MIPEP: variants seen among roughly 807,000 people sequenced by gnomAD.
The protein encoded by MIPEP is mitochondrial intermediate peptidase.
In MIPEP, 79 loss-of-function variants were observed where a neutral mutation model predicts 90.3. That is an observed-to-expected ratio of 0.87 (90% CI 0.73 to 1.05). The LOEUF (loss-of-function observed/expected upper bound fraction) is 1.05. MIPEP is among the 50% of genes least tolerant of loss of function. The pLI, the probability that MIPEP is intolerant of heterozygous loss-of-function variation, is 0.00. For synonymous variants in MIPEP, 334 were observed against 315.8 expected (o/e 1.06, Z -0.61); for missense variants, 940 against 905.6 (o/e 1.04, Z -0.49).
intron 2 of MIPEP, among the ~76,000 whole-genome samples, chr13:23,883,891 C>T (rs1168208747): frequency 6.6e-6 from 1 of 152,060 alleles, no homozygotes; most frequent in Non-Finnish European, 1.5e-5. Flanking sequence ...ACTGGAGGCA[C>T]AGAACAAAAA....
rs545145841 is a variant in MIPEP at position 23,855,111 on chromosome 13, T to G, written c.1106+3749A>C. Among the ~76,000 whole-genome samples the G allele has an allele frequency of 3.3e-5, 5 of 152,292 alleles. No homozygotes were observed. In the East Asian group the frequency reaches 9.6e-4, roughly 29 times the overall value. ...CTCAATTAATACTTCTTAACATTGT[T>G]GATTTTTTGAGCCATGTGAATGTAT... On this transcript the variant is annotated intron_variant, in intron 10 of 18. Transcript: ENST00000382172.
Position 23,886,398 on chromosome 13 carries a change from G to A in MIPEP, c.298C>T (p.Pro100Ser), listed in dbSNP as rs377359295. 1.9e-6 allele frequency: 3 copies of A among 1,607,930 alleles called. No individual in the cohort carries two copies. Among genetic ancestry groups the A allele is most frequent in the African/African-American group, 1.3e-5 (1 of 74,640 alleles). Residue 100 changes from proline to serine, a missense_variant, in exon 2 of 19, where the codon CCT becomes TCT. Physicochemically the swap from Pro to Ser is moderately conservative, Grantham distance 74. Transcript: ENST00000382172. ...AAGATCAGCACGGTCTGGGGCCCAG[G>A]TGGGGTGGAACATGCACGGTCCACA... ...LLVDRACSTP[P>S]GPQTVLIFDE...
At chr13:23,858,975 C>T (rs1566019975) in intron 9 of MIPEP, 63 bp from the exon 10 acceptor site, 27 of 1,339,676 alleles carry the variant, frequency 2.0e-5, no homozygotes, top group Non-Finnish European at 2.8e-5. Flanking sequence ...TTATCAGCAA[C>T]GTGGCCAGCC....
rs192962288 is a variant in MIPEP at position 23,764,303 on chromosome 13, G to A, written c.1849-4086C>T. On this transcript the variant is annotated intron_variant, in intron 16 of 18. Transcript: ENST00000382172. The stretch of plus-strand genomic sequence containing the variant: ...AAACTTGGAGCCAGCAAAGCAGCCT[G>A]TCAGGAAACCCATGGATATGGTCAC... Among the ~76,000 whole-genome samples the A allele has an allele frequency of 3.3e-3, 504 of 152,310 alleles. 1 individual carries two copies. Among genetic ancestry groups the A allele is most frequent in the Non-Finnish European group, 5.3e-3 (360 of 68,034 alleles).
chr13:23,874,715 T>C, intron 5 of MIPEP, 131 bp downstream of exon 5: 1 of 699,580 alleles, frequency 1.4e-6, no homozygotes, highest in Non-Finnish European at 2.3e-6. Context: ...AAGAATTTCA[T>C]AACAGATAAA....
rs1423094461 is a variant in MIPEP at position 23,836,242 on chromosome 13, G to A, written c.1651C>T (p.Gln551Ter). Residue 551 changes from glutamine to a stop codon, truncating the protein, a stop_gained and splice_region_variant, in exon 14 of 19, where the codon CAG (glutamine) becomes TAG (stop). Transcript: ENST00000382172. LOFTEE classifies it high-confidence loss of function. The stretch of plus-strand genomic sequence containing the variant: ...GACGACAATATTACTGTTCCTACCT[G>A]TCCAGTCTGATAATGTCTGGCAAAT... Reference protein sequence around the residue: ...NQFARHYQTGQPLPKNMVSRL... With the variant: ...NQFARHYQTG 8 of 1,582,650 alleles carry A rather than the reference G, an allele frequency of 5.1e-6. No homozygotes were observed. Among genetic ancestry groups the A allele is most frequent in the Non-Finnish European group, 6.9e-6 (8 of 1,161,072 alleles).
At chr13:23,802,839 A>T (rs1004585541) in intron 16 of MIPEP, among the ~76,000 whole-genome samples, 1 of 152,214 alleles carries the variant, frequency 6.6e-6, no homozygotes, top group African/African-American at 2.4e-5. Flanking sequence ...TCAACACTTT[A>T]TTATGAAATA....
At chr13:23,768,245 C>T (rs1326418897) in intron 16 of MIPEP, among the ~76,000 whole-genome samples, 3 of 152,202 alleles carry the variant, frequency 2.0e-5, no homozygotes, top group African/African-American at 4.8e-5. Context: ...CTTGATTTTA[C>T]ATCACTAACA....
chr13:23,864,534 A>C (rs1411887706), intron 7 of MIPEP, among the ~76,000 whole-genome samples: 1 of 152,058 alleles, frequency 6.6e-6, no homozygotes, highest in Non-Finnish European at 1.5e-5. Context: ...TCAGGAGTTC[A>C]AGACCAGCAA....
intron 16 of MIPEP, among the ~76,000 whole-genome samples, chr13:23,795,487 A>T (rs962864077): frequency 6.6e-6 from 1 of 152,210 alleles, no homozygotes; most frequent in African/African-American, 2.4e-5. Flanking sequence ...GTCTTAGTTT[A>T]AAAATAACTA....
intron 16 of MIPEP, among the ~76,000 whole-genome samples, chr13:23,800,005 A>T (rs1330478172): frequency 1.3e-5 from 2 of 152,220 alleles, no homozygotes; most frequent in Non-Finnish European, 2.9e-5. Flanking sequence ...AAGGGCAAAA[A>T]GGAGTCTCAC....
intron 16 of MIPEP, among the ~76,000 whole-genome samples, chr13:23,795,503 A>T (rs1234925417): frequency 4.6e-5 from 7 of 152,190 alleles, no homozygotes; most frequent in Non-Finnish European, 8.8e-5. Context: ...AACTAATGGG[A>T]ACAATCTGAT....
At chr13:23,813,375 C>T (rs1445252371) in intron 14 of MIPEP, among the ~76,000 whole-genome samples, 2 of 152,092 alleles carry the variant, frequency 1.3e-5, no homozygotes, top group African/African-American at 4.8e-5. Flanking sequence ...TGTGCAAGTC[C>T]CTGCTGTGAA....
chr13:23,853,401 T>C (rs1034044100), intron 10 of MIPEP, among the ~76,000 whole-genome samples: 2 of 152,192 alleles, frequency 1.3e-5, no homozygotes, highest in African/African-American at 2.4e-5. Flanking sequence ...TTATCATGTG[T>C]TGCAGCTGCC....
At chr13:23,793,168 T>C (rs903977301) in intron 16 of MIPEP, among the ~76,000 whole-genome samples, 1 of 152,096 alleles carries the variant, frequency 6.6e-6, no homozygotes, top group Non-Finnish European at 1.5e-5. Context: ...AGCCCCAAAC[T>C]GGAAATAACT....
At chr13:23,869,936 T>A in intron 6 of MIPEP, 77 bp downstream of exon 6, 2 of 1,219,138 alleles carry the variant, frequency 1.6e-6, no homozygotes, top group Non-Finnish European at 2.2e-6. Flanking sequence ...ACTATTATAT[T>A]ATCACTGAAT....
At chr13:23,806,756 C>CTAAG (rs1313864440) in intron 15 of MIPEP, among the ~76,000 whole-genome samples, 1 of 150,844 alleles carries the variant, frequency 6.6e-6, no homozygotes, top group African/African-American at 2.5e-5. Context: ...ATCTATCTAT[C>CTAAG]TATCTATCTG....
intron 16 of MIPEP, among the ~76,000 whole-genome samples, chr13:23,799,556 G>C (rs895531513): frequency 6.6e-6 from 1 of 151,910 alleles, no homozygotes; most frequent in African/African-American, 2.4e-5. Flanking sequence ...TGGATCTCCT[G>C]ACCTCATGGT....
intron 17 of MIPEP, 198 bp from the exon 18 acceptor site, chr13:23,756,816 A>G: frequency 1.7e-6 from 1 of 583,490 alleles, no homozygotes; most frequent in Non-Finnish European, 3.0e-6. Context: ...ATCAGGTGTG[A>G]CATATTCCCT....
Sources: allele counts gnomAD v4.1 joint callset (sites outside exome capture counted in the v4.1 genomes callset), GRCh38; gene constraint gnomAD v4.1.1; transcripts MANE v1.5; gene names NCBI Gene and HGNC (gene_info 2026-07-23, HGNC 2026-07-21).